ADGRB3: variants seen among roughly 807,000 people sequenced by gnomAD.
ADGRB3 encodes brain-specific angiogenesis inhibitor 3.
ADGRB3 carries 37 observed loss-of-function variants against 193.4 expected under a neutral mutation model. That is an observed-to-expected ratio of 0.19 (90% CI 0.15 to 0.25). The LOEUF (loss-of-function observed/expected upper bound fraction) is 0.25. Among genes scored for constraint, ADGRB3 ranks in the 10% least tolerant of loss-of-function variants. ADGRB3 has a pLI of 1.00. For missense variants in ADGRB3, 1,637 were observed against 1,852.9 expected (o/e 0.88, Z 2.14); for synonymous variants, 690 against 644.2 (o/e 1.07, Z -1.08).
intron 6 of ADGRB3, among the ~76,000 whole-genome samples, chr6:68,945,407 G>A (rs914952111): frequency 6.6e-6 from 1 of 152,002 alleles, no homozygotes; most frequent in African/African-American, 2.4e-5. Flanking sequence ...GTAACATTCT[G>A]TCTTATTTCT....
chr6:68,830,696 A>T (rs564613404), intron 3 of ADGRB3, among the ~76,000 whole-genome samples: 1 of 152,246 alleles, frequency 6.6e-6, no homozygotes, highest in African/African-American at 2.4e-5. Flanking sequence ...TAAAATTAGT[A>T]ATGAAAATAT....
At chr6:68,898,980 C>A (rs371034903) in intron 3 of ADGRB3, among the ~76,000 whole-genome samples, 1 of 152,010 alleles carries the variant, frequency 6.6e-6, no homozygotes, top group African/African-American at 2.4e-5. Flanking sequence ...GATATTAGAA[C>A]AGAAAAAGGA....
chr6:69,127,487 T>A (rs1189956906), intron 17 of ADGRB3, among the ~76,000 whole-genome samples: 2 of 152,148 alleles, frequency 1.3e-5, no homozygotes, highest in African/African-American at 4.8e-5. Flanking sequence ...AATGACAAAT[T>A]TAGCTTCAAT....
intron 17 of ADGRB3, among the ~76,000 whole-genome samples, chr6:69,148,803 T>C (rs1424429851): frequency 1.3e-5 from 2 of 152,202 alleles, no homozygotes; most frequent in East Asian, 1.9e-4. Context: ...TTTTACCAGA[T>C]ATGCTATTAT....
intron 3 of ADGRB3, among the ~76,000 whole-genome samples, chr6:68,669,688 G>C (rs1320904070): frequency 6.7e-6 from 1 of 149,136 alleles, no homozygotes; most frequent in Non-Finnish European, 1.5e-5. Context: ...TTTTTTGATG[G>C]CCACTTAGGT....
intron 17 of ADGRB3, among the ~76,000 whole-genome samples, chr6:69,115,606 T>A (rs1362206465): frequency 1.3e-5 from 2 of 151,840 alleles, no homozygotes; most frequent in African/African-American, 4.8e-5. Flanking sequence ...AAAAATAAAT[T>A]AAATAAAGAA....
intron 3 of ADGRB3, among the ~76,000 whole-genome samples, chr6:68,678,173 C>T (rs1764802134): frequency 6.6e-6 from 1 of 152,142 alleles, no homozygotes; most frequent in South Asian, 2.1e-4. Context: ...GTAATCCCAG[C>T]TCTTTGGGAG....
At chr6:68,954,570 C>T (rs1451682875) in intron 6 of ADGRB3, among the ~76,000 whole-genome samples, 1 of 152,168 alleles carries the variant, frequency 6.6e-6, no homozygotes, top group Non-Finnish European at 1.5e-5. Context: ...TGCATCTGCA[C>T]TGCCTCATCA....
At chr6:68,823,545 A>G (rs1373780774) in intron 3 of ADGRB3, among the ~76,000 whole-genome samples, 1 of 152,064 alleles carries the variant, frequency 6.6e-6, no homozygotes, top group African/African-American at 2.4e-5. Flanking sequence ...AACATGATAA[A>G]TACGAATGAT....
intron 13 of ADGRB3, among the ~76,000 whole-genome samples, chr6:69,032,382 G>A (rs1009121490): frequency 7.2e-5 from 11 of 152,052 alleles, no homozygotes; most frequent in Non-Finnish European, 8.8e-5. Flanking sequence ...AAGTTATCAC[G>A]CTATATGCCT....
At chr6:68,920,000 G>C (rs553070967) in intron 3 of ADGRB3, among the ~76,000 whole-genome samples, 3 of 152,246 alleles carry the variant, frequency 2.0e-5, no homozygotes, top group African/African-American at 4.8e-5. Flanking sequence ...ATGTGAGGGG[G>C]TTGAGATGGA....
intron 17 of ADGRB3, among the ~76,000 whole-genome samples, chr6:69,191,237 T>C (rs1765180443): frequency 6.6e-6 from 1 of 152,150 alleles, no homozygotes; most frequent in Admixed American, 6.5e-5. Context: ...GGTTTTTTTT[T>C]CCATAACAGC....
intron 20 of ADGRB3, among the ~76,000 whole-genome samples, chr6:69,311,116 A>G (rs772971632): frequency 3.3e-4 from 50 of 151,736 alleles, no homozygotes; most frequent in Non-Finnish European, 8.9e-5. Context: ...ATTTGCTACA[A>G]TGTGATTTCA....
At chr6:68,728,376 A>G (rs1213496431) in intron 3 of ADGRB3, among the ~76,000 whole-genome samples, 1 of 151,244 alleles carries the variant, frequency 6.6e-6, no homozygotes, top group Admixed American at 6.6e-5. Flanking sequence ...GAAAACCACA[A>G]AACTCTTATC....
At chr6:69,251,604 G>A (rs1339256728) in intron 20 of ADGRB3, among the ~76,000 whole-genome samples, 1 of 152,038 alleles carries the variant, frequency 6.6e-6, no homozygotes, top group Non-Finnish European at 1.5e-5. Context: ...ATTGCACCTA[G>A]GACAGTATCT....
intron 20 of ADGRB3, among the ~76,000 whole-genome samples, chr6:69,305,792 A>G (rs1351911277): frequency 1.3e-5 from 2 of 151,430 alleles, no homozygotes; most frequent in African/African-American, 2.4e-5. Context: ...ATATTCTATT[A>G]TCATTGATTC....
intron 20 of ADGRB3, among the ~76,000 whole-genome samples, chr6:69,258,104 C>G (rs1766822057): frequency 6.6e-6 from 1 of 152,074 alleles, no homozygotes; most frequent in African/African-American, 2.4e-5. Context: ...AGACGAATAT[C>G]TTTAAGCTCT....
intron 20 of ADGRB3, among the ~76,000 whole-genome samples, chr6:69,316,277 T>A (rs2127302982): frequency 6.6e-6 from 1 of 151,526 alleles, no homozygotes; most frequent in East Asian, 1.9e-4. Context: ...ACTGTAATAA[T>A]AAAATAATAT....
chr6:69,146,046 T>C (rs894418239), intron 17 of ADGRB3, among the ~76,000 whole-genome samples: 1 of 152,160 alleles, frequency 6.6e-6, no homozygotes, highest in African/African-American at 2.4e-5. Flanking sequence ...AGCTTGAAAG[T>C]AGGGCTTCAC....
Sources: gnomAD v4.1 joint callset for allele counts (sites outside exome capture counted in the v4.1 genomes callset) on GRCh38, gnomAD v4.1.1 for gene constraint, MANE v1.5 for transcripts, NCBI Gene and HGNC (gene_info 2026-07-23, HGNC 2026-07-21) for gene names.